Variants in CFAP70 observed in about 807,000 individuals in gnomAD.
The protein encoded by CFAP70 is cilia- and flagella-associated protein 70.
Under a neutral mutation model 137.6 loss-of-function variants are expected in CFAP70, and 81 were observed. That is an observed-to-expected ratio of 0.59 (90% confidence interval 0.49 to 0.71). The LOEUF (loss-of-function observed/expected upper bound fraction) is 0.71, where lower values mean the gene tolerates loss of function less well. Among genes scored for constraint, CFAP70 ranks in the 30% least tolerant of loss-of-function variants. The pLI is 0.00. For missense variants in CFAP70, 976 were observed against 1,226.7 expected (o/e 0.80, Z 3.05); for synonymous variants, 382 against 423.6 (o/e 0.90, Z 1.20).
At chr10:73,284,792 A>T (rs1183062431) in intron 19 of CFAP70, among the ~76,000 whole-genome samples, 15 of 72,810 alleles carry the variant, frequency 2.1e-4, no homozygotes, top group African/African-American at 8.4e-4. Context: ...ATATATATAT[A>T]TATATATATA....
At chr10:73,351,938 T>C (rs2054311008) in intron 3 of CFAP70, among the ~76,000 whole-genome samples, 1 of 152,214 alleles carries the variant, frequency 6.6e-6, no homozygotes, top group Non-Finnish European at 1.5e-5. Flanking sequence ...AAGTCTAGGT[T>C]CCCTACTCAG....
At chr10:73,289,909 G>A (rs2048037609) in intron 19 of CFAP70, among the ~76,000 whole-genome samples, 1 of 152,000 alleles carries the variant, frequency 6.6e-6, no homozygotes, top group African/African-American at 2.4e-5. Context: ...GCCAGGTGTG[G>A]TGGCACATAT....
chr10:73,261,587 C>T (rs2133584593), intron 25 of CFAP70, among the ~76,000 whole-genome samples: 1 of 152,188 alleles, frequency 6.6e-6, no homozygotes. Context: ...AAGAGCCACC[C>T]CCATAATTCA....
At chr10:73,272,332 G>T (rs1403258355) in intron 24 of CFAP70, among the ~76,000 whole-genome samples, 1 of 151,670 alleles carries the variant, frequency 6.6e-6, no homozygotes, top group African/African-American at 2.4e-5. Context: ...GACAGAGCGA[G>T]ACTCCATCTC....
intron 25 of CFAP70, among the ~76,000 whole-genome samples, chr10:73,267,848 C>T (rs2045913063): frequency 6.6e-6 from 1 of 152,146 alleles, no homozygotes; most frequent in Non-Finnish European, 1.5e-5. Context: ...TTATAGGTTC[C>T]TATAAGGTCC....
intron 8 of CFAP70, among the ~76,000 whole-genome samples, chr10:73,326,523 C>T (rs1337105754): frequency 6.7e-6 from 1 of 148,322 alleles, no homozygotes; most frequent in Non-Finnish European, 1.5e-5. Context: ...ACAAAAAACC[C>T]TTCAAAAAAT....
chr10:73,330,951 T>C (rs1052854279), intron 8 of CFAP70, among the ~76,000 whole-genome samples: 1 of 152,174 alleles, frequency 6.6e-6, no homozygotes, highest in African/African-American at 2.4e-5. Context: ...AACGGGGAAC[T>C]AGGGTGGTCA....
chr10:73,328,190 C>A (rs541252662), intron 8 of CFAP70, among the ~76,000 whole-genome samples: 2 of 152,236 alleles, frequency 1.3e-5, no homozygotes, highest in East Asian at 3.9e-4. Context: ...CACCGCATAT[C>A]TACAACTATC....
At chr10:73,334,885 T>G (rs953704782) in intron 7 of CFAP70, among the ~76,000 whole-genome samples, 4 of 150,350 alleles carry the variant, frequency 2.7e-5, no homozygotes, top group East Asian at 2.0e-4. Context: ...GCCGAGTTTT[T>G]TTTTTTTTTT....
At chr10:73,285,979 G>A (rs1181457040) in intron 19 of CFAP70, among the ~76,000 whole-genome samples, 1 of 152,110 alleles carries the variant, frequency 6.6e-6, no homozygotes, top group Non-Finnish European at 1.5e-5. Context: ...TCAAGGGTGA[G>A]ACTGAGAGTC....
intron 5 of CFAP70, among the ~76,000 whole-genome samples, chr10:73,344,793 T>C (rs546764825): frequency 6.6e-5 from 10 of 152,276 alleles, no homozygotes; most frequent in African/African-American, 1.4e-4. Context: ...ATAATCTGTA[T>C]AGAAATACAC....
At chr10:73,279,861 A>G (rs1048487732) in intron 19 of CFAP70, among the ~76,000 whole-genome samples, 76 of 152,200 alleles carry the variant, frequency 5.0e-4, no homozygotes, top group African/African-American at 1.8e-3. Flanking sequence ...CTGTCTTAAA[A>G]AAAGAGAAAA....
chr10:73,331,680 A>G (rs2052109466), intron 7 of CFAP70, among the ~76,000 whole-genome samples: 1 of 151,160 alleles, frequency 6.6e-6, no homozygotes, highest in Non-Finnish European at 1.5e-5. Flanking sequence ...ACCCTGTCTC[A>G]AAAAAAAAAT....
At chr10:73,326,436 C>A (rs2051430365) in intron 8 of CFAP70, among the ~76,000 whole-genome samples, 1 of 146,160 alleles carries the variant, frequency 6.8e-6, no homozygotes, top group Non-Finnish European at 1.5e-5. Flanking sequence ...ACTAGAAAAG[C>A]AAGAGCAAAC....
At chr10:73,346,030 C>T (rs2053671583) in intron 4 of CFAP70, among the ~76,000 whole-genome samples, 1 of 151,362 alleles carries the variant, frequency 6.6e-6, no homozygotes, top group African/African-American at 2.4e-5. Context: ...TCCTGAGTAG[C>T]TGGGAGTACA....
chr10:73,275,840 A>G lies in CFAP70; in HGVS notation c.2521-242T>C, dbSNP rs1589307516. The G allele has an allele frequency of 5.9e-6, 2 of 338,808 alleles. No individual in the cohort carries two copies. The highest frequency in any genetic ancestry group is 1.1e-4 in the East Asian group (2 of 18,134). 21.0% of individuals were successfully genotyped at this position (338,808 alleles called of 1,614,324 possible). ...AGTGAATAACTTGCAATATTGTACA[A>G]TTCTGGTCTTGCTGGTCATCATACT... On this transcript the variant is annotated intron_variant, in intron 21 of 26. Coordinates refer to ENST00000310715, the Ensembl canonical transcript of CFAP70. The surrounding 1 kb of genome is among the most constrained non-coding windows in gnomAD (Gnocchi z 4.0).
exon 14 of CFAP70, chr10:73,299,016 G>A: frequency 6.2e-7 from 1 of 1,613,886 alleles, no homozygotes; most frequent in Non-Finnish European, 8.5e-7. Context: ...CTCCAGTTTG[G>A]CCACCTGTTT....
At chr10:73,254,047 C>G in exon 27 of CFAP70, 1 of 1,578,784 alleles carries the variant, frequency 6.3e-7, no homozygotes, top group Non-Finnish European at 8.6e-7. Flanking sequence ...CCTCATCTTT[C>G]AATTTCAGCT....
chr10:73,303,276 G>A (rs574565327), intron 12 of CFAP70, among the ~76,000 whole-genome samples: 1 of 152,114 alleles, frequency 6.6e-6, no homozygotes, highest in South Asian at 2.1e-4. Context: ...GGAGTGCAGT[G>A]GCACAACCTT....
Sources: gnomAD v4.1 joint callset for allele counts (sites outside exome capture counted in the v4.1 genomes callset) on GRCh38, gnomAD v4.1.1 for gene constraint, Gnocchi (gnomAD v3.1) non-coding constraint, MANE v1.5 for transcripts, NCBI Gene and HGNC (gene_info 2026-07-23, HGNC 2026-07-21) for gene names.